The following CLEC2A variants were observed in gnomAD, a reference collection of about 807,000 sequenced individuals.
CLEC2A encodes the protein C-type lectin domain family 2 member A.
In CLEC2A, 19 loss-of-function variants were observed where a neutral mutation model predicts 18.6. The ratio of observed to expected loss-of-function variants is 1.02; its 90% CI spans 0.71 to 1.50. CLEC2A has a LOEUF of 1.50. CLEC2A is among the 40% of genes most tolerant of loss of function. The probability of loss-of-function intolerance (pLI) is 0.00; values close to 1 mark genes in which losing one functional copy is unlikely to be tolerated. For missense variants in CLEC2A, 190 were observed against 207.9 expected (o/e 0.91, Z 0.53); for synonymous variants, 74 against 64.0 (o/e 1.16, Z -0.75).
At chr12:9,901,727 G>T (rs1462435704) in intron 4 of CLEC2A, among the ~76,000 whole-genome samples, 1 of 152,080 alleles carries the variant, frequency 6.6e-6, no homozygotes, top group African/African-American at 2.4e-5. Context: ...TTAAAACACT[G>T]ATAATATGAA....
chr12:9,894,909 A>G (rs1862739587), downstream of CLEC2A, among the ~76,000 whole-genome samples: 1 of 152,148 alleles, frequency 6.6e-6, no homozygotes, highest in Admixed American at 6.5e-5. Context: ...AAGGTAAAAT[A>G]TCACTTTTAA....
intron 4 of CLEC2A, among the ~76,000 whole-genome samples, chr12:9,904,397 T>G (rs141334058): frequency 7.2e-5 from 11 of 152,256 alleles, no homozygotes; most frequent in Non-Finnish European, 2.9e-5. Flanking sequence ...GTAACAATCG[T>G]TTTTGTTTAG....
chr12:9,910,196 T>G (rs1862963207), downstream of CLEC2A, among the ~76,000 whole-genome samples: 1 of 152,236 alleles, frequency 6.6e-6, no homozygotes, highest in Non-Finnish European at 1.5e-5. Flanking sequence ...TATCATTTGC[T>G]GCTTTCTTTT....
At chr12:9,898,871 T>G (rs1311243152) in exon 5 of CLEC2A, 1 of 709,548 alleles carries the variant, frequency 1.4e-6, no homozygotes, top group Admixed American at 2.0e-5. Flanking sequence ...GACATTGTTT[T>G]GGGGAAACGG....
At chr12:9,910,498 C>T (rs1862968554), downstream of CLEC2A, among the ~76,000 whole-genome samples, 2 of 152,140 alleles carry the variant, frequency 1.3e-5, no homozygotes, top group South Asian at 2.1e-4. Context: ...TCAATCTCTC[C>T]TACTAGAGAT....
At chr12:9,923,823 C>T (rs1018007825) in intron 2 of CLEC2A, among the ~76,000 whole-genome samples, 1 of 151,956 alleles carries the variant, frequency 6.6e-6, no homozygotes, top group African/African-American at 2.4e-5. Context: ...CAAACTATGG[C>T]AAGGACAGAA....
chr12:9,927,874 G>T (rs1440303163), intron 1 of CLEC2A, among the ~76,000 whole-genome samples: 1 of 151,284 alleles, frequency 6.6e-6, no homozygotes, highest in Non-Finnish European at 1.5e-5. Context: ...GAACAAGGAA[G>T]AAGAAAAGAT....
At chr12:9,894,241 G>T (rs530831711), downstream of CLEC2A, among the ~76,000 whole-genome samples, 2 of 150,168 alleles carry the variant, frequency 1.3e-5, no homozygotes, top group African/African-American at 4.9e-5. Flanking sequence ...GAGTGCAGTG[G>T]CATGATCGTG....
downstream of CLEC2A, among the ~76,000 whole-genome samples, chr12:9,897,660 C>T (rs949456764): frequency 6.6e-6 from 1 of 152,032 alleles, no homozygotes; most frequent in Non-Finnish European, 1.5e-5. Flanking sequence ...CCAGGCTCCT[C>T]CTGCCCGCAT....
chr12:9,926,394 C>G, intron 1 of CLEC2A, 51 bp from the exon 2 acceptor site: 1 of 1,102,526 alleles, frequency 9.1e-7, no homozygotes, highest in South Asian at 1.3e-5. Context: ...AACACTGACT[C>G]GATATTATTA....
At chr12:9,908,080 G>C (rs1017855326) in intron 4 of CLEC2A, among the ~76,000 whole-genome samples, 8 of 152,222 alleles carry the variant, frequency 5.3e-5, no homozygotes, top group African/African-American at 1.9e-4. Context: ...AGCCCGTCTT[G>C]AATGACGCTT....
the CLEC2A span, among the ~76,000 whole-genome samples, chr12:9,888,050 G>C: frequency 1.8e-5 from 1 of 54,952 alleles, no homozygotes; most frequent in Non-Finnish European, 3.1e-5. Flanking sequence ...GCCAGACCCT[G>C]TGTCAAAAAA....
At chr12:9,893,248 G>T in the CLEC2A span, 2 of 1,305,636 alleles carry the variant, frequency 1.5e-6, no homozygotes, top group Non-Finnish European at 2.1e-6. Context: ...AGCTTGGGAG[G>T]TTTATTGTCG....
At chr12:9,895,670 T>C, downstream of CLEC2A, 4 of 1,498,588 alleles carry the variant, frequency 2.7e-6, no homozygotes, top group South Asian at 1.3e-5. Context: ...TGCTGAAAAA[T>C]CTGTCCTTTG....
At chr12:9,913,767 T>G in intron 4 of CLEC2A, 87 bp from the exon 5 acceptor site, 1 of 850,128 alleles carries the variant, frequency 1.2e-6, no homozygotes, top group Admixed American at 3.0e-5. Context: ...TTTAAATATA[T>G]TATACCAAAC....
intron 3 of CLEC2A, 26 bp from the exon 4 acceptor site, chr12:9,916,829 G>A (rs368715067): frequency 5.0e-5 from 68 of 1,368,166 alleles, no homozygotes; most frequent in South Asian, 2.4e-4. Flanking sequence ...GGGAATCAGC[G>A]ATTACTTAAT....
rs560856873 is a variant in CLEC2A at position 9,920,559 on chromosome 12, T to C, written c.306+1507A>G. 1.8e-4 allele frequency among the ~76,000 whole-genome samples: 27 copies of C among 152,290 alleles called. 2 individuals are homozygous for C. The South Asian group carries it at 5.4e-3, about 30-fold the overall frequency. On this transcript the variant is annotated intron_variant, in intron 3 of 4. Transcript: ENST00000455827. ...CATCGACCTGCCTTGCTTTTCTTCATTGTCTATGGGTTGAGTTGTTTCCTT... is the reference window on the plus strand; with the variant it reads ...CATCGACCTGCCTTGCTTTTCTTCACTGTCTATGGGTTGAGTTGTTTCCTT...
the CLEC2A span, among the ~76,000 whole-genome samples, chr12:9,879,079 G>A: frequency 8.5e-5 from 13 of 152,074 alleles, no homozygotes; most frequent in South Asian, 1.5e-3. Flanking sequence ...CAGAGGGAAT[G>A]ATTAGTAATC....
chr12:9,919,604 G>C (rs771501338), intron 3 of CLEC2A, among the ~76,000 whole-genome samples: 1 of 152,202 alleles, frequency 6.6e-6, no homozygotes. Flanking sequence ...GCGCTTGCGA[G>C]GGGGGCTGGA....
Sources: allele counts gnomAD v4.1 joint callset (sites outside exome capture counted in the v4.1 genomes callset), GRCh38; gene constraint gnomAD v4.1.1; transcripts MANE v1.5; gene names NCBI Gene and HGNC (gene_info 2026-07-23, HGNC 2026-07-21).